Variants in ERC2 observed in about 807,000 individuals in gnomAD.
ERC2 encodes ELKS/RAB6-interacting/CAST family member 2.
In ERC2, 42 loss-of-function variants were observed where a neutral mutation model predicts 114.8. The ratio of observed to expected loss-of-function variants is 0.37; its 90% CI spans 0.29 to 0.47. The LOEUF (loss-of-function observed/expected upper bound fraction) is 0.47. Among genes scored for constraint, ERC2 ranks in the 20% least tolerant of loss-of-function variants. The pLI is 0.99. For synonymous variants in ERC2, 454 were observed against 425.5 expected, an observed-to-expected ratio of 1.07 and a Z score of -0.82; for missense variants, 939 against 1,150.7, an observed-to-expected ratio of 0.82 and a Z score of 2.66.
At chr3:56,003,346 T>A (rs1560006841) in intron 10 of ERC2, among the ~76,000 whole-genome samples, 2 of 152,086 alleles carry the variant, frequency 1.3e-5, no homozygotes, top group African/African-American at 4.8e-5. Flanking sequence ...AAAGAATAGC[T>A]GGAATAAGAA....
At chr3:56,030,554 A>T (rs1008475738) in intron 7 of ERC2, among the ~76,000 whole-genome samples, 6 of 152,122 alleles carry the variant, frequency 3.9e-5, no homozygotes, top group Non-Finnish European at 5.9e-5. Flanking sequence ...CTGTTTTATT[A>T]TGATATAATG....
intron 1 of ERC2, among the ~76,000 whole-genome samples, chr3:56,464,633 C>A (rs2063460216): frequency 6.6e-6 from 1 of 152,184 alleles, no homozygotes; most frequent in African/African-American, 2.4e-5. Flanking sequence ...GTTGTAGAGT[C>A]TCCATGTTTT....
At chr3:56,413,019 A>G (rs899420023) in intron 2 of ERC2, among the ~76,000 whole-genome samples, 8 of 152,172 alleles carry the variant, frequency 5.3e-5, no homozygotes, top group African/African-American at 1.4e-4. Flanking sequence ...CCCTCAACTT[A>G]CACCTCTTAG....
chr3:55,739,996 C>T (rs889935892), intron 14 of ERC2, among the ~76,000 whole-genome samples: 11 of 152,118 alleles, frequency 7.2e-5, no homozygotes, highest in Non-Finnish European at 1.3e-4. Flanking sequence ...CTTCCCAACA[C>T]CATTTGTTAA....
At chr3:56,443,958 A>ATTTTTTTTTTTTTTTTTT (rs11343406) in intron 1 of ERC2, among the ~76,000 whole-genome samples, 16 of 80,232 alleles carry the variant, frequency 2.0e-4, no homozygotes, top group East Asian at 4.5e-4. Context: ...AATACCTACA[A>ATTTTTTTTTTTTTTTTTT]TTTTTTTTTT....
chr3:56,377,698 G>A (rs73832721), intron 2 of ERC2, among the ~76,000 whole-genome samples: 3,089 of 152,182 alleles, frequency 0.02, 102 homozygotes, highest in African/African-American at 0.069. Context: ...TGGATTGTGC[G>A]GTAGCACAGC....
At chr3:55,626,731 A>T (rs1427140921) in intron 17 of ERC2, among the ~76,000 whole-genome samples, 4 of 152,222 alleles carry the variant, frequency 2.6e-5, no homozygotes, top group East Asian at 1.9e-4. Context: ...AAATGACTTT[A>T]CCCACCATAG....
intron 14 of ERC2, among the ~76,000 whole-genome samples, chr3:55,756,909 A>G (rs539718951): frequency 9.1e-4 from 139 of 152,302 alleles, no homozygotes; most frequent in African/African-American, 3.2e-3. Flanking sequence ...TAAAAAATGA[A>G]TAAGATGCAA....
rs373598560 is a variant in ERC2, at chr3:56,183,941, A to T, written c.1075-10421T>A. 3.3e-4 allele frequency among the ~76,000 whole-genome samples: 50 copies of T among 152,262 alleles called. 1 individual carries two copies. The highest frequency in any genetic ancestry group is 1.7e-3 in the East Asian group (9 of 5,178). ...TATTTGTCATACACAGAAGGCTTCA[A>T]ATTCTAGAGAGACAGGGAAACAGTT... is the stretch of plus-strand genomic sequence containing the variant. On this transcript the variant is annotated intron_variant, in intron 3 of 17. Coordinates refer to ENST00000288221, the MANE Select transcript of ERC2 (RefSeq NM_015576.3).
At chr3:55,737,471 C>T (rs2065707371) in intron 14 of ERC2, among the ~76,000 whole-genome samples, 1 of 152,148 alleles carries the variant, frequency 6.6e-6, no homozygotes, top group African/African-American at 2.4e-5. Context: ...TCGGGGAGAG[C>T]CTATTTGCTA....
chr3:56,051,420 G>A (rs537050486), intron 7 of ERC2, among the ~76,000 whole-genome samples: 55 of 152,236 alleles, frequency 3.6e-4, no homozygotes, highest in African/African-American at 1.3e-3. Context: ...TAGAAAAAAA[G>A]GGGGTGGGAG....
intron 2 of ERC2, among the ~76,000 whole-genome samples, chr3:56,311,230 CTTCTCTCTCTCTCTCT>C (rs1444002134): frequency 1.5e-3 from 44 of 29,234 alleles, no homozygotes; most frequent in African/African-American, 5.0e-3. Flanking sequence ...TATCCATCAT[CTTCTCTCTCTCTCTCT>C]CTCTCTCTCT....
At chr3:56,086,961 T>G (rs542235596) in intron 6 of ERC2, among the ~76,000 whole-genome samples, 2 of 152,270 alleles carry the variant, frequency 1.3e-5, no homozygotes, top group Non-Finnish European at 2.9e-5. Context: ...CTTTGGCAGT[T>G]GACTCAATAA....
At chr3:55,580,926 T>G (rs1336689322) in intron 17 of ERC2, among the ~76,000 whole-genome samples, 8 of 152,150 alleles carry the variant, frequency 5.3e-5, no homozygotes, top group African/African-American at 1.9e-4. Flanking sequence ...GGTGGTTAGA[T>G]GAGGTCTCAT....
chr3:55,604,016 A>G (rs1180530411), intron 17 of ERC2, among the ~76,000 whole-genome samples: 1 of 152,146 alleles, frequency 6.6e-6, no homozygotes, highest in East Asian at 1.9e-4. Context: ...TTCAGTTCCC[A>G]CTGTGCCTGC....
intron 10 of ERC2, among the ~76,000 whole-genome samples, chr3:55,996,052 C>A (rs2071486533): frequency 6.6e-6 from 1 of 152,168 alleles, no homozygotes; most frequent in Non-Finnish European, 1.5e-5. Context: ...TTAGACACTA[C>A]AGCGAAAAAA....
chr3:56,053,760 C>T (rs1253619732), intron 7 of ERC2, among the ~76,000 whole-genome samples: 1 of 151,942 alleles, frequency 6.6e-6, no homozygotes, highest in Non-Finnish European at 1.5e-5. Flanking sequence ...AAGTCCCCTT[C>T]GCAATGTAAG....
chr3:55,627,792 T>C (rs557535259), intron 17 of ERC2, among the ~76,000 whole-genome samples: 1 of 152,136 alleles, frequency 6.6e-6, no homozygotes, highest in Non-Finnish European at 1.5e-5. Context: ...AGGGACTTTC[T>C]GTGACCTTCC....
At chr3:55,683,713 G>T in intron 17 of ERC2, 81 bp downstream of exon 17, 1 of 1,129,498 alleles carries the variant, frequency 8.9e-7, no homozygotes, top group Non-Finnish European at 1.3e-6. Flanking sequence ...ACAAACATCA[G>T]CGAGCACAAT....
Sources: allele counts gnomAD v4.1 joint callset (sites outside exome capture counted in the v4.1 genomes callset), GRCh38; gene constraint gnomAD v4.1.1; transcripts MANE v1.5; gene names NCBI Gene and HGNC (gene_info 2026-07-23, HGNC 2026-07-21).